Variants in SREK1 observed in about 807,000 individuals in gnomAD.
The protein encoded by SREK1 is splicing regulatory glutamic acid and lysine rich protein 1.
Under a neutral mutation model 66.5 loss-of-function variants are expected in SREK1, and 13 were observed. The observed-to-expected ratio is 0.20, with a 90% CI of 0.13 to 0.31. SREK1 has a LOEUF of 0.31. Among genes scored for constraint, SREK1 ranks in the 10% least tolerant of loss-of-function variants. The pLI, the probability that SREK1 is intolerant of heterozygous loss-of-function variation, is 1.00. For missense variants in SREK1, 607 were observed against 769.6 expected, an observed-to-expected ratio of 0.79 and a Z score of 2.50; for synonymous variants, 265 against 263.5, an observed-to-expected ratio of 1.01 and a Z score of -0.05.
chr5:66,155,171 C>T (rs190063860), intron 2 of SREK1, among the ~76,000 whole-genome samples: 1 of 150,466 alleles, frequency 6.6e-6, no homozygotes, highest in Non-Finnish European at 1.5e-5. Context: ...GTAGATGTCC[C>T]TTTTATTGTT....
chr5:66,160,789 G>T (rs1282495917), intron 3 of SREK1, among the ~76,000 whole-genome samples: 5 of 152,272 alleles, frequency 3.3e-5, no homozygotes, highest in Admixed American at 2.0e-4. Flanking sequence ...TATCATATTT[G>T]TATATATAGT....
chr5:66,157,302 T>C (rs1029175286), intron 2 of SREK1: 1 of 984,536 alleles, frequency 1.0e-6, no homozygotes, highest in African/African-American at 1.7e-5. Context: ...TGGCCAGTGT[T>C]GAATACCCTT....
chr5:66,181,900 C>CGGCG lies in SREK1; in HGVS notation c.*3034_*3035insCGGG, dbSNP rs1554079246. The CGGCG allele has an allele frequency of 6.8e-5, 4 of 58,556 alleles. No individual in the cohort carries two copies. Among genetic ancestry groups the CGGCG allele is most frequent in the Admixed American group, 2.2e-4 (1 of 4,630 alleles). The allele number at this position is 58,556 out of a possible 1,614,324, so 3.6% of individuals were successfully genotyped here. ...GTTTATAATGAAAAGGTTTTTTTGT[C>CGGCG]GGGGGGGGGGGGGTCAAGAGAATTT... On this transcript the variant is annotated 3_prime_UTR_variant, in exon 12 of 12. Coordinates refer to ENST00000334121, the MANE Select transcript of SREK1 (RefSeq NM_001077199.3).
In SREK1 at chr5:66,181,545, C is replaced by T. The variant is rs1181414435; in HGVS notation, c.*2677C>T. The stretch of plus-strand genomic sequence containing the variant: ...TTTTGTAGCTTGATTACATAGAGTA[C>T]CCTCTCTTCCTTAAGTTGTAGTTGC... On this transcript the variant is annotated 3_prime_UTR_variant, in exon 12 of 12. Transcript: ENST00000334121. The T allele has an allele frequency of 6.6e-6, 1 of 152,068 alleles. No homozygotes were observed. Among genetic ancestry groups the T allele is most frequent in the Non-Finnish European group, 1.5e-5 (1 of 68,014 alleles). The allele number at this position is 152,068 out of a possible 1,614,324, so 9.4% of individuals were successfully genotyped here.
rs140242767 is a variant in SREK1 at position 66,181,540 on chromosome 5, G to T, written c.*2672G>T. The T allele has an allele frequency of 7.2e-4, 109 of 152,190 alleles. No individual in the cohort carries two copies. Among genetic ancestry groups the T allele is most frequent in the African/African-American group, 2.6e-3 (108 of 41,532 alleles). 9.4% of individuals were successfully genotyped at this position (152,190 alleles called of 1,614,324 possible). On this transcript the variant is annotated 3_prime_UTR_variant, in exon 12 of 12. Coordinates refer to ENST00000334121, the MANE Select transcript of SREK1 (RefSeq NM_001077199.3). ...TTATCTTTTGTAGCTTGATTACATA[G>T]AGTACCCTCTCTTCCTTAAGTTGTA...
intron 1 of SREK1, 106 bp from the exon 2 acceptor site, chr5:66,153,357 C>A: frequency 7.0e-7 from 1 of 1,430,182 alleles, no homozygotes; most frequent in Non-Finnish European, 9.4e-7. Context: ...GTTTTAAAGT[C>A]TTAATTTCGT....
intron 2 of SREK1, chr5:66,157,518 A>G (rs1744388842): frequency 2.0e-6 from 2 of 984,854 alleles, no homozygotes; most frequent in Non-Finnish European, 2.4e-6. Context: ...GATAATACCA[A>G]TTTATAACAG....
chr5:66,148,147 A>T (rs1209718558), intron 1 of SREK1, among the ~76,000 whole-genome samples: 1 of 152,030 alleles, frequency 6.6e-6, no homozygotes, highest in Non-Finnish European at 1.5e-5. Context: ...ACTTATAAGT[A>T]GTCTTAAACA....
chr5:66,148,313 G>GTAT (rs1307871987), intron 1 of SREK1, among the ~76,000 whole-genome samples: 2 of 150,234 alleles, frequency 1.3e-5, no homozygotes, highest in Non-Finnish European at 3.0e-5. Flanking sequence ...TAAAGGATGT[G>GTAT]TATTAATGTA....
intron 11 of SREK1, 89 bp downstream of exon 11, chr5:66,177,747 T>C (rs1746177566): frequency 4.5e-6 from 5 of 1,102,554 alleles, no homozygotes; most frequent in Non-Finnish European, 6.2e-6. Context: ...TGGGGAACAG[T>C]GTCTTGTACA....
chr5:66,171,198 T>C (rs1179741428), intron 9 of SREK1, among the ~76,000 whole-genome samples: 1 of 152,176 alleles, frequency 6.6e-6, no homozygotes, highest in African/African-American at 2.4e-5. Flanking sequence ...ATAATTGTTA[T>C]TTTCTTAGAG....
chr5:66,164,065 CT>C, intron 6 of SREK1, 143 bp downstream of exon 6: 1 of 1,008,622 alleles, frequency 9.9e-7, no homozygotes, highest in Admixed American at 2.9e-5. Context: ...AAGTAGCATA[CT>C]CATGTCAAAG....
At chr5:66,168,869 T>C (rs1311593902) in intron 7 of SREK1, 1 of 152,222 alleles carries the variant, frequency 6.6e-6, no homozygotes, top group Non-Finnish European at 1.5e-5. Context: ...TTTAAACATT[T>C]ATTTTGTGCT....
chr5:66,146,249 T>G (rs374027157), intron 1 of SREK1, among the ~76,000 whole-genome samples: 34 of 152,296 alleles, frequency 2.2e-4, no homozygotes, highest in African/African-American at 7.7e-4. Context: ...AAATACTTTG[T>G]ACATGAACCT....
chr5:66,182,675 C>G lies in SREK1; in HGVS notation c.*3807C>G, dbSNP rs1746590399. 1 of 152,134 alleles carries G rather than the reference C, an allele frequency of 6.6e-6. No individual in the cohort carries two copies. 9.4% of individuals were successfully genotyped at this position (152,134 alleles called of 1,614,324 possible). On this transcript the variant is annotated 3_prime_UTR_variant, in exon 12 of 12. Transcript: ENST00000334121. ...GACCTTTCTCGGCATGGATGATCCT[C>G]TCACCTCAGCCTCTTGAATAGCTGG... is the stretch of plus-strand genomic sequence containing the variant.
chr5:66,176,175 A>G (rs912721822), intron 10 of SREK1, among the ~76,000 whole-genome samples: 1 of 152,066 alleles, frequency 6.6e-6, no homozygotes. Flanking sequence ...CCATTTGTTA[A>G]AAACTCAATT....
intron 11 of SREK1, 85 bp downstream of exon 11, chr5:66,177,743 A>G (rs1746177010): frequency 1.0e-5 from 12 of 1,201,168 alleles, no homozygotes; most frequent in Non-Finnish European, 1.1e-5. Context: ...TCTTTGGGGA[A>G]CAGTGTCTTG....
At chr5:66,163,427 A>G (rs1183155347) in intron 5 of SREK1, 1 of 186,916 alleles carries the variant, frequency 5.3e-6, no homozygotes, top group African/African-American at 2.4e-5. Flanking sequence ...TCTAGAGTGT[A>G]CAGGATATCA....
At chr5:66,166,824 A>G (rs1423207520) in intron 7 of SREK1, 1 of 152,166 alleles carries the variant, frequency 6.6e-6, no homozygotes, top group Admixed American at 6.6e-5. Context: ...TTGTGCATGC[A>G]TGTGGAAACA....
Sources: gnomAD v4.1 joint callset for allele counts (sites outside exome capture counted in the v4.1 genomes callset) on GRCh38, gnomAD v4.1.1 for gene constraint, MANE v1.5 for transcripts, NCBI Gene and HGNC (gene_info 2026-07-23, HGNC 2026-07-21) for gene names.